Variants in AOPEP observed in about 807,000 individuals in gnomAD.
AOPEP encodes aminopeptidase O.
Under a neutral mutation model 98.1 loss-of-function variants are expected in AOPEP, and 77 were observed. The observed-to-expected ratio is 0.78, with a 90% CI of 0.65 to 0.95. The LOEUF (loss-of-function observed/expected upper bound fraction) is 0.95. AOPEP is among the 40% of genes least tolerant of loss of function. The pLI is 0.00. For missense variants in AOPEP, 1,024 were observed against 1,024.7 expected (o/e 1.00, Z 0.01); for synonymous variants, 346 against 365.3 (o/e 0.95, Z 0.60).
At chr9:94,971,351 T>A (rs1177886838) in intron 10 of AOPEP, among the ~76,000 whole-genome samples, 1 of 152,210 alleles carries the variant, frequency 6.6e-6, no homozygotes, top group Non-Finnish European at 1.5e-5. Flanking sequence ...AGATTTCATT[T>A]TTACAATGAA....
intron 10 of AOPEP, among the ~76,000 whole-genome samples, chr9:94,969,411 A>G (rs2059398503): frequency 6.7e-6 from 1 of 150,110 alleles, no homozygotes; most frequent in Admixed American, 6.6e-5. Context: ...CTGAAACATA[A>G]TTTCTTTTTT....
At chr9:94,884,778 G>A (rs1471501474) in intron 5 of AOPEP, among the ~76,000 whole-genome samples, 1 of 151,854 alleles carries the variant, frequency 6.6e-6, no homozygotes, top group Non-Finnish European at 1.5e-5. Context: ...TTGGGAGGCC[G>A]AGGCGGGCGG....
At chr9:94,901,603 A>G (rs933840716) in intron 5 of AOPEP, among the ~76,000 whole-genome samples, 1 of 152,180 alleles carries the variant, frequency 6.6e-6, no homozygotes, top group Non-Finnish European at 1.5e-5. Flanking sequence ...TCGCATCTTC[A>G]ACAACCTTCA....
the AOPEP span, among the ~76,000 whole-genome samples, chr9:95,122,136 G>A: frequency 2.6e-5 from 4 of 152,172 alleles, no homozygotes; most frequent in African/African-American, 7.2e-5. Flanking sequence ...GGGATTACAG[G>A]TGTGAGCCAC....
chr9:94,916,319 G>A (rs1488508069), intron 5 of AOPEP, among the ~76,000 whole-genome samples: 1 of 152,138 alleles, frequency 6.6e-6, no homozygotes, highest in Non-Finnish European at 1.5e-5. Context: ...ACATGTTTTA[G>A]TTGGTTACTC....
intron 1 of AOPEP, among the ~76,000 whole-genome samples, chr9:94,747,528 AAAAT>A (rs1466187298): frequency 1.3e-5 from 2 of 152,230 alleles, no homozygotes; most frequent in Admixed American, 6.5e-5. Flanking sequence ...GAGTAAAAGA[AAAAT>A]AAATAGGCAT....
chr9:94,847,806 AAGG>A (rs1192308220), intron 5 of AOPEP, among the ~76,000 whole-genome samples: 1 of 152,172 alleles, frequency 6.6e-6, no homozygotes, highest in East Asian at 1.9e-4. Flanking sequence ...TTAACAGATG[AAGG>A]AGGAGAGTCC....
the AOPEP span, among the ~76,000 whole-genome samples, chr9:95,116,252 A>AATT: frequency 2.0e-5 from 3 of 152,210 alleles, no homozygotes; most frequent in African/African-American, 7.2e-5. Context: ...ACCTAAGCGT[A>AATT]AGGTGAACCC....
At chr9:94,730,630 G>A (rs1830312178) in intron 1 of AOPEP, among the ~76,000 whole-genome samples, 1 of 152,108 alleles carries the variant, frequency 6.6e-6, no homozygotes, top group Admixed American at 6.6e-5. Flanking sequence ...TCTATCTTCG[G>A]ACAGAATGAG....
intron 1 of AOPEP, among the ~76,000 whole-genome samples, chr9:94,739,547 A>T (rs1832584515): frequency 6.6e-6 from 1 of 151,496 alleles, no homozygotes; most frequent in African/African-American, 2.4e-5. Flanking sequence ...TGGGAGGCTG[A>T]GGCAGGCGAA....
At chr9:95,075,543 G>A (rs1348092479) in intron 14 of AOPEP, among the ~76,000 whole-genome samples, 1 of 152,080 alleles carries the variant, frequency 6.6e-6, no homozygotes, top group Non-Finnish European at 1.5e-5. Flanking sequence ...GAAAAACATG[G>A]TAAAGAATAT....
intron 5 of AOPEP, among the ~76,000 whole-genome samples, chr9:94,881,248 T>C (rs1000359727): frequency 4.9e-4 from 3 of 6,104 alleles, no homozygotes; most frequent in African/African-American, 5.4e-4. Context: ...CTGCTTCTAT[T>C]TTTTTTTTTT....
chr9:94,878,106 C>G (rs2047171440), intron 5 of AOPEP, among the ~76,000 whole-genome samples: 1 of 151,804 alleles, frequency 6.6e-6, no homozygotes, highest in Admixed American at 6.6e-5. Flanking sequence ...GAGCTAATGC[C>G]ATCTAGTGAT....
intron 7 of AOPEP, among the ~76,000 whole-genome samples, chr9:94,952,232 C>T (rs965828686): frequency 9.2e-5 from 14 of 152,190 alleles, no homozygotes; most frequent in African/African-American, 2.7e-4. Context: ...CTTTCCTGCT[C>T]GCAAGTGTAT....
intron 13 of AOPEP, among the ~76,000 whole-genome samples, chr9:95,049,641 A>G (rs899713821): frequency 6.6e-5 from 10 of 152,234 alleles, no homozygotes; most frequent in Non-Finnish European, 4.4e-5. Context: ...CACATTTTAC[A>G]TATGTAAAGG....
intron 6 of AOPEP, among the ~76,000 whole-genome samples, chr9:94,927,845 C>T (rs1297941088): frequency 4.6e-5 from 7 of 152,214 alleles, no homozygotes; most frequent in East Asian, 3.9e-4. Context: ...TCACAGAGGT[C>T]GGGGCCGTGT....
intron 1 of AOPEP, among the ~76,000 whole-genome samples, chr9:94,737,912 G>T (rs547409795): frequency 6.6e-6 from 1 of 152,280 alleles, no homozygotes; most frequent in Admixed American, 6.5e-5. Context: ...TGCCATTTTT[G>T]ATCTAGGCTT....
chr9:94,851,709 A>T (rs1016012410), intron 5 of AOPEP, among the ~76,000 whole-genome samples: 1 of 150,276 alleles, frequency 6.7e-6, no homozygotes, highest in African/African-American at 2.5e-5. Flanking sequence ...CTTGTTGAGA[A>T]TGGCTGTCAG....
chr9:95,146,921 C>T, the AOPEP span, among the ~76,000 whole-genome samples: 5 of 151,882 alleles, frequency 3.3e-5, no homozygotes, highest in Non-Finnish European at 5.9e-5. Context: ...GAAATAAGTA[C>T]ACTTTGTTGG....
Sources: gnomAD v4.1 joint callset for allele counts (sites outside exome capture counted in the v4.1 genomes callset) on GRCh38, gnomAD v4.1.1 for gene constraint, MANE v1.5 for transcripts, NCBI Gene and HGNC (gene_info 2026-07-23, HGNC 2026-07-21) for gene names.